CAMKMT: variants seen among roughly 807,000 people sequenced by gnomAD.
The protein encoded by CAMKMT is CaM KMT.
Under a neutral mutation model 48.0 loss-of-function variants are expected in CAMKMT, and 53 were observed. That is an observed-to-expected ratio of 1.10 (90% confidence interval 0.89 to 1.39). CAMKMT has a LOEUF of 1.39. Among genes scored for constraint, CAMKMT ranks in the 40% most tolerant of loss-of-function variants. The pLI, the probability that CAMKMT is intolerant of heterozygous loss-of-function variation, is 0.00. For missense variants in CAMKMT, 428 were observed against 402.7 expected, an observed-to-expected ratio of 1.06 and a Z score of -0.54; for synonymous variants, 165 against 152.3, an observed-to-expected ratio of 1.08 and a Z score of -0.61.
At chr2:44,604,620 T>C (rs1462592832) in intron 3 of CAMKMT, among the ~76,000 whole-genome samples, 6 of 150,526 alleles carry the variant, frequency 4.0e-5, no homozygotes, top group Non-Finnish European at 7.4e-5. Context: ...TAAATACACA[T>C]AGTAAAATAG....
chr2:44,439,035 A>C (rs901031041), intron 3 of CAMKMT, among the ~76,000 whole-genome samples: 2 of 152,098 alleles, frequency 1.3e-5, no homozygotes, highest in African/African-American at 4.8e-5. Flanking sequence ...TACCTGTTTT[A>C]ATTAAACTGA....
chr2:44,427,938 A>T (rs1056171815), intron 3 of CAMKMT, among the ~76,000 whole-genome samples: 1 of 152,162 alleles, frequency 6.6e-6, no homozygotes, highest in Non-Finnish European at 1.5e-5. Context: ...GAGGGGGTGC[A>T]GTCTCTGGGG....
rs1200620807 is a variant in CAMKMT, at chr2:44,556,462, T to C, written c.377-147821T>C. 8.3e-5 allele frequency among the ~76,000 whole-genome samples: 4 copies of C among 47,982 alleles called. 1 individual carries two copies. The highest frequency in any genetic ancestry group is 1.8e-4 in the African/African-American group (2 of 11,062). 31.5% of individuals were successfully genotyped at this position (47,982 alleles called of 152,430 possible). A position where few individuals can be genotyped will look rare whatever the true frequency, so the allele number is the denominator to read the frequency against. On this transcript the variant is annotated intron_variant, in intron 3 of 10. Coordinates refer to ENST00000378494, the MANE Select transcript of CAMKMT (RefSeq NM_024766.5). Reference sequence around the variant, plus strand: ...CCAATTTTTCTTTCTTTTTTTTTTTTTTTTTTTTTTTTTTTTTTGAGACGG... The same window carrying C: ...CCAATTTTTCTTTCTTTTTTTTTTTCTTTTTTTTTTTTTTTTTTGAGACGG...
chr2:44,522,698 A>G (rs527536819), intron 3 of CAMKMT, among the ~76,000 whole-genome samples: 1 of 152,322 alleles, frequency 6.6e-6, no homozygotes, highest in Admixed American at 6.5e-5. Flanking sequence ...TTTGAGAAGT[A>G]TTTCCTGTCT....
In CAMKMT at chr2:44,743,631, A is replaced by G. The variant is rs757550818; in HGVS notation, c.633A>G (p.Arg211=). 2.6e-5 allele frequency: 42 copies of G among 1,612,106 alleles called. No individual in the cohort carries two copies. In the South Asian group the frequency reaches 3.9e-4, roughly 15 times the overall value. The change falls in exon 8 of 11, where the codon CGA becomes CGG. Residue 211 remains arginine (R), a synonymous_variant. Transcript: ENST00000378494. ...KTQKISSCVL[R]WDNETDVSQL... ...TCTTTTTCTCCTCAAGCGTTTTACG[A>G]TGGGATAATGAGACAGATGTCTCTC...
At chr2:44,455,047 C>G (rs1667486697) in intron 3 of CAMKMT, among the ~76,000 whole-genome samples, 2 of 152,098 alleles carry the variant, frequency 1.3e-5, no homozygotes. Context: ...AGCCCTGCTT[C>G]TCTATGGCAT....
chr2:44,502,628 G>A (rs964571189), intron 3 of CAMKMT, among the ~76,000 whole-genome samples: 1 of 152,048 alleles, frequency 6.6e-6, no homozygotes, highest in African/African-American at 2.4e-5. Flanking sequence ...ATACCACCTT[G>A]ATTGTTGAAC....
At chr2:44,405,111 G>A (rs1682690475) in intron 3 of CAMKMT, among the ~76,000 whole-genome samples, 1 of 151,998 alleles carries the variant, frequency 6.6e-6, no homozygotes, top group African/African-American at 2.4e-5. Context: ...CTATGTTTTT[G>A]TGTATATTAA....
chr2:44,565,024 G>A (rs531670757), intron 3 of CAMKMT, among the ~76,000 whole-genome samples: 4 of 152,298 alleles, frequency 2.6e-5, no homozygotes, highest in Middle Eastern at 3.4e-3. Flanking sequence ...TCTGCCTGGC[G>A]TTGCTGTCAT....
chr2:44,733,069 G>C (rs372484552), intron 7 of CAMKMT, among the ~76,000 whole-genome samples: 1 of 152,060 alleles, frequency 6.6e-6, no homozygotes, highest in Admixed American at 6.6e-5. Flanking sequence ...TTTACATTTA[G>C]GTTTATGATT....
intron 3 of CAMKMT, among the ~76,000 whole-genome samples, chr2:44,474,063 G>T (rs1178060839): frequency 1.3e-5 from 2 of 152,156 alleles, no homozygotes; most frequent in African/African-American, 4.8e-5. Context: ...ACATATACCT[G>T]TGTGCATATA....
intron 3 of CAMKMT, among the ~76,000 whole-genome samples, chr2:44,668,002 C>T (rs1675099386): frequency 6.6e-6 from 1 of 152,206 alleles, no homozygotes; most frequent in East Asian, 1.9e-4. Context: ...AAACTCTGAG[C>T]CTGTCCCTGA....
At chr2:44,576,686 C>G (rs1384967303) in intron 3 of CAMKMT, among the ~76,000 whole-genome samples, 1 of 152,126 alleles carries the variant, frequency 6.6e-6, no homozygotes, top group African/African-American at 2.4e-5. Flanking sequence ...TGAGATTATT[C>G]AGGTCTGAGG....
At chr2:44,714,931 C>T (rs1030905377) in intron 6 of CAMKMT, among the ~76,000 whole-genome samples, 11 of 152,302 alleles carry the variant, frequency 7.2e-5, no homozygotes, top group Middle Eastern at 6.8e-3. Context: ...CAGTGGCTCA[C>T]ACCTGTAATC....
intron 3 of CAMKMT, chr2:44,393,364 G>A (rs903944796): frequency 1.3e-5 from 2 of 152,040 alleles, no homozygotes; most frequent in South Asian, 2.1e-4. Context: ...GAATTTCTTC[G>A]AATGTTGTGG....
chr2:44,671,498 T>C (rs975157377), intron 3 of CAMKMT, among the ~76,000 whole-genome samples: 5 of 152,244 alleles, frequency 3.3e-5, no homozygotes, highest in Admixed American at 6.5e-5. Flanking sequence ...CTGTTTGTTG[T>C]CTGGGCCTGC....
chr2:44,376,138 C>G (rs1033382272), intron 2 of CAMKMT, among the ~76,000 whole-genome samples: 3 of 152,018 alleles, frequency 2.0e-5, no homozygotes, highest in Non-Finnish European at 4.4e-5. Flanking sequence ...GGGCTGGGCA[C>G]AGTGGCTCAT....
At chr2:44,714,918 G>C (rs559584577) in intron 6 of CAMKMT, among the ~76,000 whole-genome samples, 1 of 152,278 alleles carries the variant, frequency 6.6e-6, no homozygotes, top group African/African-American at 2.4e-5. Context: ...GATTGGCCAG[G>C]CGCAGTGGCT....
chr2:44,538,835 C>T (rs1272829996), intron 3 of CAMKMT, among the ~76,000 whole-genome samples: 1 of 152,062 alleles, frequency 6.6e-6, no homozygotes, highest in Admixed American at 6.6e-5. Context: ...CATTTACTTA[C>T]ACTTGTATGC....
Sources: gnomAD v4.1 joint callset for allele counts (sites outside exome capture counted in the v4.1 genomes callset) on GRCh38, gnomAD v4.1.1 for gene constraint, MANE v1.5 for transcripts, NCBI Gene and HGNC (gene_info 2026-07-23, HGNC 2026-07-21) for gene names.